NAV3: variants seen among roughly 807,000 people sequenced by gnomAD.
The protein encoded by NAV3 is neuron navigator 3.
NAV3 carries 87 observed loss-of-function variants against 244.7 expected under a neutral mutation model. The observed-to-expected ratio is 0.36, with a 90% CI of 0.30 to 0.42. NAV3 has a LOEUF of 0.42. NAV3 is among the 20% of genes least tolerant of loss of function. The pLI, the probability that NAV3 is intolerant of heterozygous loss-of-function variation, is 1.00. For missense variants in NAV3, 2,663 were observed against 2,893.3 expected (o/e 0.92, Z 1.83); for synonymous variants, 1,126 against 1,042.2 (o/e 1.08, Z -1.55).
At chr12:77,820,964 T>C (rs1872717644) in intron 2 of NAV3, among the ~76,000 whole-genome samples, 1 of 152,092 alleles carries the variant, frequency 6.6e-6, no homozygotes, top group Admixed American at 6.6e-5. Context: ...TTTCCTATTC[T>C]TTTTTATGAC....
chr12:77,741,314 CT>C (rs918861574), intron 2 of NAV3, among the ~76,000 whole-genome samples: 18 of 151,996 alleles, frequency 1.2e-4, no homozygotes, highest in African/African-American at 4.3e-4. Flanking sequence ...AATTTATCCA[CT>C]ACATGTTATT....
chr12:78,124,106 C>T (rs1005357004), intron 16 of NAV3, among the ~76,000 whole-genome samples: 14 of 152,162 alleles, frequency 9.2e-5, no homozygotes, highest in African/African-American at 3.1e-4. Flanking sequence ...CAAAACTGGT[C>T]ATTTTTTAAT....
intron 5 of NAV3, among the ~76,000 whole-genome samples, chr12:77,980,918 C>G (rs573450442): frequency 6.6e-6 from 1 of 152,226 alleles, no homozygotes; most frequent in East Asian, 1.9e-4. Flanking sequence ...TCTTTAGTTA[C>G]TGTTTTGAGA....
chr12:77,663,522 C>CTTTTT (rs4017472), intron 2 of NAV3, among the ~76,000 whole-genome samples: 9 of 139,354 alleles, frequency 6.5e-5, no homozygotes, highest in African/African-American at 2.1e-4. Flanking sequence ...TCTTCTTCTT[C>CTTTTT]TTTTTTTTTT....
intron 1 of NAV3, among the ~76,000 whole-genome samples, chr12:77,854,841 G>T (rs1281018337): frequency 6.6e-6 from 1 of 152,072 alleles, no homozygotes. Flanking sequence ...CATCTGGCCG[G>T]GTGCAGTGGC....
At chr12:77,966,161 A>T in intron 3 of NAV3, 68 bp from the exon 4 acceptor site, 3 of 1,296,494 alleles carry the variant, frequency 2.3e-6, no homozygotes, top group Non-Finnish European at 3.4e-6. Flanking sequence ...TTCTGGTTTC[A>T]TTTTGGCACA....
intron 2 of NAV3, among the ~76,000 whole-genome samples, chr12:77,772,337 T>C (rs1435350373): frequency 4.6e-5 from 7 of 152,176 alleles, no homozygotes; most frequent in Admixed American, 4.6e-4. Flanking sequence ...TAAAGGAAAA[T>C]TAAATTTGAA....
At chr12:77,658,864 T>G (rs1873272565) in intron 2 of NAV3, among the ~76,000 whole-genome samples, 1 of 152,190 alleles carries the variant, frequency 6.6e-6, no homozygotes, top group Non-Finnish European at 1.5e-5. Flanking sequence ...GGGGAAAGGA[T>G]TCCCTATTTA....
rs540390004 is a variant in NAV3, at chr12:77,873,679, G to GTGTATATATATA, written c.243+41976_243+41977insGTATATATATAT. On this transcript the variant is annotated intron_variant, in intron 1 of 39. Coordinates refer to ENST00000397909, the MANE Select transcript of NAV3 (RefSeq NM_001024383.2). ...TTATATATATACATGATTTGTATGT[G>GTGTATATATATA]TATATATATATATATATATATATAT... 1.6e-3 allele frequency among the ~76,000 whole-genome samples: 177 copies of GTGTATATATATA among 107,286 alleles called. 9 individuals carry two copies. The highest frequency in any genetic ancestry group is 2.5e-3 in the East Asian group (9 of 3,574). The allele number at this position is 107,286 out of a possible 152,430, so 70.4% of individuals were successfully genotyped here.
intron 1 of NAV3, among the ~76,000 whole-genome samples, chr12:77,906,841 A>G (rs1171330563): frequency 6.6e-6 from 1 of 152,152 alleles, no homozygotes; most frequent in Non-Finnish European, 1.5e-5. Context: ...TATATTGACC[A>G]GGAGTAAAAC....
chr12:78,052,823 T>C (rs1445921177), intron 11 of NAV3, among the ~76,000 whole-genome samples: 2 of 152,088 alleles, frequency 1.3e-5, no homozygotes, highest in Non-Finnish European at 2.9e-5. Context: ...TCAATCTCCT[T>C]AGATGTGGAC....
At chr12:77,579,956 A>T (rs555879911) in intron 2 of NAV3, among the ~76,000 whole-genome samples, 1 of 152,260 alleles carries the variant, frequency 6.6e-6, no homozygotes, top group East Asian at 1.9e-4. Flanking sequence ...ACATGTGAAA[A>T]ACAATAACTG....
chr12:78,052,535 G>T (rs1198167725), intron 11 of NAV3, among the ~76,000 whole-genome samples: 3 of 152,152 alleles, frequency 2.0e-5, no homozygotes, highest in Admixed American at 6.5e-5. Flanking sequence ...ACAAATTTTA[G>T]TTTGCGCAAT....
At chr12:77,579,176 T>A (rs1194097502) in intron 2 of NAV3, among the ~76,000 whole-genome samples, 6 of 152,208 alleles carry the variant, frequency 3.9e-5, no homozygotes, top group African/African-American at 1.4e-4. Flanking sequence ...AAATCTGGGT[T>A]TTTGAGTCCC....
rs567931232 is a variant in NAV3, at chr12:77,735,505, T to G, written c.72+163239T>G. Among the ~76,000 whole-genome samples the G allele has an allele frequency of 2.0e-5, 3 of 152,220 alleles. No individual in the cohort carries two copies. The South Asian group carries it at 6.2e-4, about 32-fold the overall frequency. On this transcript the variant is annotated intron_variant, in intron 2 of 8. Transcript: ENST00000550042. ...TTTTAAGCCCTCCTATAAACAAAAG[T>G]TACTCCCTGACAGGAGCACATTCTT...
intron 2 of NAV3, among the ~76,000 whole-genome samples, chr12:77,721,825 A>G (rs1433072310): frequency 6.6e-6 from 1 of 152,100 alleles, no homozygotes; most frequent in Non-Finnish European, 1.5e-5. Flanking sequence ...TGTGGGAGGT[A>G]AAATACATGT....
intron 20 of NAV3, among the ~76,000 whole-genome samples, chr12:78,140,807 T>C (rs1956576254): frequency 7.3e-6 from 1 of 137,226 alleles, no homozygotes; most frequent in South Asian, 2.2e-4. Context: ...GGTAAAAGCA[T>C]AAAAGAACCA....
chr12:78,171,134 C>A (rs553952108), intron 24 of NAV3, among the ~76,000 whole-genome samples: 35 of 151,768 alleles, frequency 2.3e-4, no homozygotes, highest in South Asian at 1.2e-3. Context: ...AATTGAAGGA[C>A]AAAGTAGTTC....
intron 12 of NAV3, among the ~76,000 whole-genome samples, chr12:78,059,455 ATT>A (rs1884001141): frequency 6.6e-6 from 1 of 151,900 alleles, no homozygotes. Flanking sequence ...TGCCCAGCTA[ATT>A]TTTGTATTTT....
Sources: allele counts gnomAD v4.1 joint callset (sites outside exome capture counted in the v4.1 genomes callset), GRCh38; gene constraint gnomAD v4.1.1; transcripts MANE v1.5; gene names NCBI Gene and HGNC (gene_info 2026-07-23, HGNC 2026-07-21).